BTBD1: variants seen among roughly 807,000 people sequenced by gnomAD.
The protein encoded by BTBD1 is BTB domain containing 1, also known as BTB/POZ domain-containing protein 1.
Under a neutral mutation model 48.0 loss-of-function variants are expected in BTBD1, and 34 were observed. That is an observed-to-expected ratio of 0.71 (90% CI 0.54 to 0.94). The LOEUF is 0.94. Ranked by LOEUF, BTBD1 falls within the 40% of genes least tolerant of loss-of-function variation. BTBD1 has a pLI of 0.00. For synonymous variants in BTBD1, 261 were observed against 242.1 expected (o/e 1.08, Z -0.72); for missense variants, 543 against 625.6 (o/e 0.87, Z 1.41).
chr15:83,044,456 T>G, intron 3 of BTBD1: 1 of 1,576,474 alleles, frequency 6.3e-7, no homozygotes, highest in Non-Finnish European at 8.7e-7. Flanking sequence ...GAGTGGGAAC[T>G]GCTTTGCGAA....
intron 3 of BTBD1, chr15:83,044,377 G>A: frequency 6.5e-7 from 1 of 1,539,874 alleles, no homozygotes; most frequent in East Asian, 2.4e-5. Context: ...CATGGCCACA[G>A]TTCAGCAGCT....
intron 4 of BTBD1, among the ~76,000 whole-genome samples, chr15:83,039,182 A>G (rs1194428668): frequency 6.6e-6 from 1 of 152,120 alleles, no homozygotes; most frequent in South Asian, 2.1e-4. Flanking sequence ...TAACAATTCA[A>G]TAAGAAAAAA....
intron 1 of BTBD1, among the ~76,000 whole-genome samples, chr15:83,066,522 C>A (rs1161798562): frequency 6.6e-6 from 1 of 152,170 alleles, no homozygotes; most frequent in African/African-American, 2.4e-5. Flanking sequence ...CGCACGCTTG[C>A]CTAATGAAGA....
intron 2 of BTBD1, among the ~76,000 whole-genome samples, chr15:83,052,984 C>T (rs967746300): frequency 2.6e-5 from 4 of 151,594 alleles, no homozygotes; most frequent in Admixed American, 1.3e-4. Flanking sequence ...AGTTGGTGTT[C>T]ATATAAAAAT....
chr15:83,044,780 T>C, intron 3 of BTBD1: 1 of 1,420,000 alleles, frequency 7.0e-7, no homozygotes, highest in Non-Finnish European at 9.8e-7. Context: ...AAAAATTCCA[T>C]CATCACTTTG....
At chr15:83,044,644 T>G in intron 3 of BTBD1, 2 of 1,538,854 alleles carry the variant, frequency 1.3e-6, no homozygotes, top group Non-Finnish European at 1.8e-6. Flanking sequence ...GATGGTGCAT[T>G]GGTTCAGCAT....
At chr15:83,057,953 C>T (rs1196459660) in intron 1 of BTBD1, among the ~76,000 whole-genome samples, 1 of 152,252 alleles carries the variant, frequency 6.6e-6, no homozygotes, top group African/African-American at 2.4e-5. Flanking sequence ...GGCAGGGACC[C>T]CTCAAAGCCA....
chr15:83,035,649 A>G (rs995117947), intron 4 of BTBD1, among the ~76,000 whole-genome samples: 2 of 152,116 alleles, frequency 1.3e-5, no homozygotes, highest in East Asian at 3.8e-4. Context: ...AAGTATCTCA[A>G]AAAGTCACAA....
chr15:83,056,611 T>A, intron 1 of BTBD1, 66 bp from the exon 2 acceptor site: 1 of 1,394,750 alleles, frequency 7.2e-7, no homozygotes, highest in East Asian at 2.3e-5. Context: ...TCCATCACAG[T>A]TAAATTTCTG....
intron 2 of BTBD1, among the ~76,000 whole-genome samples, chr15:83,054,343 A>G (rs1426981703): frequency 6.6e-6 from 1 of 152,166 alleles, no homozygotes; most frequent in African/African-American, 2.4e-5. Flanking sequence ...CCTCAAAAAA[A>G]AGAGAAAAAA....
At chr15:83,021,266 T>G (rs1264879484) in intron 5 of BTBD1, among the ~76,000 whole-genome samples, 1 of 152,156 alleles carries the variant, frequency 6.6e-6, no homozygotes, top group Non-Finnish European at 1.5e-5. Context: ...AATAAATAAA[T>G]AATTACAAAT....
chr15:83,044,296 AC>A, intron 3 of BTBD1: 1 of 754,754 alleles, frequency 1.3e-6, no homozygotes. Flanking sequence ...CAAAATAAAT[AC>A]CCCAGTTCGA....
In BTBD1 at chr15:83,039,984, GACACACAC is replaced by G. The variant is rs34590396; in HGVS notation, c.862+1736_862+1743del. On this transcript the variant is annotated intron_variant, in intron 4 of 7. Transcript: ENST00000261721. ...CAGTGGTAGACTGGGTAGAGAATGT[GACACACAC>G]ACACACACACACACACACACACACG... Among the ~76,000 whole-genome samples the G allele has an allele frequency of 1.3e-3, 189 of 146,206 alleles. 1 individual carries two copies. Among genetic ancestry groups the G allele is most frequent in the African/African-American group, 4.4e-3 (175 of 39,760 alleles).
Position 83,066,765 on chromosome 15 carries a change from G to T in BTBD1, c.387C>A (p.Phe129Leu). 2 of 1,414,472 alleles carry T rather than the reference G, an allele frequency of 1.4e-6. No individual in the cohort carries two copies. The highest frequency in any genetic ancestry group is 1.5e-5 in the South Asian group (1 of 66,390). 87.6% of individuals were successfully genotyped at this position (1,414,472 alleles called of 1,614,324 possible). ...CTGCCGCTCACCTCAGCAGCGCCAGGAAGGCTGCGGGCTCCACGTCCGGCA... is the reference window on the plus strand; with the variant it reads ...CTGCCGCTCACCTCAGCAGCGCCAGTAAGGCTGCGGGCTCCACGTCCGGCA... ...IELPDVEPAA[F>L]LALLRFLYSD... The change falls in exon 1 of 8, where the codon TTC becomes TTA. Residue 129 changes from phenylalanine (F) to leucine (L), a missense_variant. This residue lies in a region of BTBD1 where 70 missense variants were observed against 111.7 expected (regional missense o/e 0.63). Transcript: ENST00000261721.
At position 83,056,388 on chromosome 15, in the gene BTBD1, C is replaced by G. The variant is rs1351288077; in HGVS notation, c.558+1G>C. ...TACATACCTTAGCTACATTTACTTA[C>G]CTGAGTAAGTAACATAAAGGCATTA... On this transcript the variant is annotated splice_donor_variant, in intron 2 of 7. Coordinates refer to ENST00000261721, the MANE Select transcript of BTBD1 (RefSeq NM_025238.4). LOFTEE classifies it high-confidence loss of function. 4 of 1,610,070 alleles carry G rather than the reference C, an allele frequency of 2.5e-6. No homozygotes were observed. The highest frequency in any genetic ancestry group is 2.5e-6 in the Non-Finnish European group (3 of 1,176,602).
chr15:83,066,999 G>T lies in BTBD1; in HGVS notation c.153C>A (p.Thr51=), dbSNP rs1267336514. 8 of 1,585,938 alleles carry T rather than the reference G, an allele frequency of 5.0e-6. No individual in the cohort carries two copies. The Admixed American group carries it at 5.2e-5, about 10-fold the overall frequency. The part of the protein sequence containing the change: ...QREPLYNWQA[T]KASLKERFAF... ...CGAAGCGCTCCTTCAGCGACGCCTT[G>T]GTCGCCTGCCAGTTGTAGAGAGGTT... is the stretch of plus-strand genomic sequence containing the variant. The change falls in exon 1 of 8, where the codon ACC becomes ACA. Residue 51 remains threonine (T), a synonymous_variant. Coordinates refer to ENST00000261721, the MANE Select transcript of BTBD1 (RefSeq NM_025238.4).
chr15:83,046,225 G>A (rs910333545), intron 3 of BTBD1, among the ~76,000 whole-genome samples: 10 of 151,866 alleles, frequency 6.6e-5, no homozygotes, highest in African/African-American at 1.7e-4. Context: ...GCGAAACCCC[G>A]TCTCTACCAA....
At chr15:83,062,032 G>C (rs2033184170) in intron 1 of BTBD1, among the ~76,000 whole-genome samples, 1 of 152,144 alleles carries the variant, frequency 6.6e-6, no homozygotes, top group African/African-American at 2.4e-5. Context: ...GGAGTACAAA[G>C]GTAAGGAGGC....
In BTBD1 at chr15:83,040,865, G is replaced by A. The variant is rs2032741320; in HGVS notation, c.862+863C>T. Among the ~76,000 whole-genome samples, 3 of 151,812 alleles carry A rather than the reference G, an allele frequency of 2.0e-5. No individual in the cohort carries two copies. The South Asian group carries it at 6.3e-4, about 32-fold the overall frequency. ...CTGTCTGATTTTAATCAGAAGCATC[G>A]ACCTTAAGAGTCAAACAGAGGCTGG... On this transcript the variant is annotated intron_variant, in intron 4 of 7. Coordinates refer to ENST00000261721, the MANE Select transcript of BTBD1 (RefSeq NM_025238.4).
Sources: allele counts gnomAD v4.1 joint callset (sites outside exome capture counted in the v4.1 genomes callset), GRCh38; gene constraint gnomAD v4.1.1; regional missense constraint gnomAD v4.1.1; transcripts MANE v1.5; gene names NCBI Gene and HGNC (gene_info 2026-07-23, HGNC 2026-07-21).